Variants in RRP1 observed in about 807,000 individuals in gnomAD.
RRP1 encodes the protein ribosomal RNA processing protein 1 homolog A.
In RRP1, 37 loss-of-function variants were observed where a neutral mutation model predicts 54.6. The ratio of observed to expected loss-of-function variants is 0.68; its 90% CI spans 0.52 to 0.89. The LOEUF is 0.89. Among genes scored for constraint, RRP1 ranks in the 40% least tolerant of loss-of-function variants. The pLI is 0.00. For synonymous variants in RRP1, 262 were observed against 244.3 expected (o/e 1.07, Z -0.67); for missense variants, 639 against 612.5 (o/e 1.04, Z -0.46).
intron 11 of RRP1, among the ~76,000 whole-genome samples, chr21:43,801,909 G>T (rs1039688807): frequency 6.6e-6 from 1 of 152,154 alleles, no homozygotes; most frequent in African/African-American, 2.4e-5. Context: ...AATGCTCGTC[G>T]CAGTGTTTTC....
chr21:43,796,720 C>T (rs2085021838), intron 5 of RRP1, among the ~76,000 whole-genome samples: 1 of 152,176 alleles, frequency 6.6e-6, no homozygotes, highest in African/African-American at 2.4e-5. Context: ...ATTCTCCAGC[C>T]TTGCTACGGA....
intron 5 of RRP1, among the ~76,000 whole-genome samples, chr21:43,795,531 G>C (rs1217014790): frequency 1.3e-5 from 2 of 152,184 alleles, no homozygotes; most frequent in Admixed American, 6.5e-5. Context: ...TAAAAACACG[G>C]CATGTTCCGC....
rs1277768280 is a variant in RRP1 at position 43,805,257 on chromosome 21, C to G, written c.*1483C>G. 1 of 141,284 alleles carries G rather than the reference C, an allele frequency of 7.1e-6. No individual in the cohort carries two copies. The highest frequency in any genetic ancestry group is 1.5e-5 in the Non-Finnish European group (1 of 66,650). 8.8% of individuals were successfully genotyped at this position (141,284 alleles called of 1,614,324 possible). A position where few individuals can be genotyped will look rare whatever the true frequency, so the allele number is the denominator to read the frequency against. On this transcript the variant is annotated 3_prime_UTR_variant, in exon 13 of 13. Transcript: ENST00000497547. ...CGCCATTGCACTCCAGCCTGGGCAA[C>G]GAGAGGGAAACTCTGTTTCAAAAAA...
At chr21:43,800,380 G>A in intron 9 of RRP1, 137 bp from the exon 10 acceptor site, 1 of 717,372 alleles carries the variant, frequency 1.4e-6, no homozygotes. Context: ...CTCAGTGAGG[G>A]TGGGCTGTGT....
chr21:43,790,820 C>G (rs2084949182), intron 1 of RRP1: 1 of 347,656 alleles, frequency 2.9e-6, no homozygotes, highest in Non-Finnish European at 5.7e-6. Context: ...AACTCCTGGC[C>G]TCAAGTGATC....
chr21:43,799,474 C>T (rs867010037), intron 8 of RRP1, 96 bp from the exon 9 acceptor site: 108 of 1,322,696 alleles, frequency 8.2e-5, no homozygotes, highest in Middle Eastern at 2.5e-4. Flanking sequence ...GCCCGTGCTC[C>T]GACCAGGGTG....
rs1032713187 is a variant in RRP1, at chr21:43,803,716, C to A, written c.1328C>A (p.Ala443Asp). 6.4e-7 allele frequency: 1 copy of A among 1,562,816 alleles called. No homozygotes were observed. Among genetic ancestry groups the A allele is most frequent in the Admixed American group, 1.9e-5 (1 of 52,336 alleles). ...RRRTPRPLTS[A>D]RAKAANVQEP... ...AGGACACCTCGGCCCCTGACCAGTG[C>A]CCGAGCAAAGGCGGCCAATGTCCAG... Residue 443 changes from alanine to aspartate, a missense_variant, in exon 13 of 13, where the codon GCC (alanine) becomes GAC (aspartate). Transcript: ENST00000497547.
intron 1 of RRP1, chr21:43,790,985 A>G (rs952770511): frequency 2.2e-6 from 1 of 463,386 alleles, no homozygotes; most frequent in South Asian, 1.5e-5. Context: ...AGAAGCCCTC[A>G]GTATAATGCT....
intron 8 of RRP1, 76 bp downstream of exon 8, chr21:43,798,176 C>CAGGAGCAA: frequency 8.1e-7 from 1 of 1,234,194 alleles, no homozygotes; most frequent in Non-Finnish European, 1.1e-6. Context: ...TGCTGGGTTG[C>CAGGAGCAA]TCCTGCCACC....
chr21:43,802,610 G>C, intron 12 of RRP1: 1 of 529,968 alleles, frequency 1.9e-6, no homozygotes, highest in South Asian at 2.0e-5. Flanking sequence ...CAGCTCCCCC[G>C]AGCTGTGTGC....
intron 11 of RRP1, among the ~76,000 whole-genome samples, chr21:43,801,820 T>A (rs1313316702): frequency 1.3e-5 from 2 of 152,186 alleles, no homozygotes; most frequent in Non-Finnish European, 2.9e-5. Flanking sequence ...GGTGTACAGG[T>A]TGAGCGTCTC....
chr21:43,790,303 C>T (rs979971394), intron 1 of RRP1, among the ~76,000 whole-genome samples: 4 of 152,202 alleles, frequency 2.6e-5, no homozygotes, highest in South Asian at 2.1e-4. Context: ...GTGGCCCAAG[C>T]CTGTAATCCC....
rs577397061 is a variant in RRP1 at position 43,803,037 on chromosome 21, C to G, written c.1124-475C>G. 3.3e-5 allele frequency among the ~76,000 whole-genome samples: 5 copies of G among 152,368 alleles called. No individual in the cohort carries two copies. In the South Asian group the frequency reaches 1.0e-3, roughly 32 times the overall value. ...TGGGAAGCCTTCCCTGTTACTCTCT[C>G]CATGCTAAACTGGCCCCAGGGCCTA... is the stretch of plus-strand genomic sequence containing the variant. On this transcript the variant is annotated intron_variant, in intron 12 of 12. Transcript: ENST00000497547.
At chr21:43,797,230 C>A in intron 5 of RRP1, 192 bp from the exon 6 acceptor site, 2 of 852,332 alleles carry the variant, frequency 2.3e-6, no homozygotes, top group Non-Finnish European at 3.5e-6. Flanking sequence ...AACTGCAAGA[C>A]TGCCTTGCGC....
chr21:43,803,784 GC>G lies in RRP1; in HGVS notation c.*12del, dbSNP rs762218372. ...GAAACGCAGGGAGTGATGTGGCCGG[GC>G]CAAGGACAGGCAGGGAGGGAGGCCA... is the stretch of plus-strand genomic sequence containing the variant. On this transcript the variant is annotated 3_prime_UTR_variant, in exon 13 of 13. Transcript: ENST00000497547. 8.3e-6 allele frequency: 13 copies of G among 1,564,870 alleles called. No homozygotes were observed. Among genetic ancestry groups the G allele is most frequent in the Non-Finnish European group, 1.1e-5 (13 of 1,151,944 alleles).
At chr21:43,791,290 C>T (rs2084954756) in intron 1 of RRP1, 60 bp from the exon 2 acceptor site, 2 of 1,570,392 alleles carry the variant, frequency 1.3e-6, no homozygotes, top group South Asian at 1.1e-5. Flanking sequence ...TCTGTGGCTT[C>T]CTTTCTGGCA....
At chr21:43,802,615 G>A in intron 12 of RRP1, 1 of 525,090 alleles carries the variant, frequency 1.9e-6, no homozygotes, top group South Asian at 2.0e-5. Context: ...CCCCCGAGCT[G>A]TGTGCGCTGC....
rs144068997 is a variant in RRP1, at chr21:43,799,574, C to T, written c.816C>T (p.Ser272=). 1,044 of 1,611,350 alleles carry T rather than the reference C, an allele frequency of 6.5e-4. 9 individuals carry two copies. In the African/African-American group the frequency reaches 0.01, roughly 16 times the overall value. Residue 272 remains serine (S), a synonymous_variant, in exon 9 of 13, where the codon TCC becomes TCT. Transcript: ENST00000497547. ...QKRSEKPPAG[S]ICRAEPEAGE... ...ACGGGGTCCCTTTTGTTCCAGGCTC[C>T]ATCTGCAGGGCTGAACCTGAGGCTG... is the stretch of plus-strand genomic sequence containing the variant.
Position 43,798,064 on chromosome 21 carries a change from G to C in RRP1, c.775G>C (p.Ala259Pro). The C allele has an allele frequency of 6.2e-7, 1 of 1,613,876 alleles. No individual in the cohort carries two copies. Reference sequence around the variant, plus strand: ...CTCTGAGGGTGGTGAGCGTGGAGACGCGCTGTCCCAGAAGAGGTCTGAGAA... The same window carrying C: ...CTCTGAGGGTGGTGAGCGTGGAGACCCGCTGTCCCAGAAGAGGTCTGAGAA... ...ESSEGGERGD[A>P]LSQKRSEKPP... The change falls in exon 8 of 13, where the codon GCG (alanine) becomes CCG (proline). Residue 259 changes from alanine to proline, a missense_variant. Ala to Pro is a conservative substitution (Grantham distance 27). Transcript: ENST00000497547.
Sources: allele counts gnomAD v4.1 joint callset (sites outside exome capture counted in the v4.1 genomes callset), GRCh38; gene constraint gnomAD v4.1.1; transcripts MANE v1.5; gene names NCBI Gene and HGNC (gene_info 2026-07-23, HGNC 2026-07-21).